Variants in PARN observed in about 807,000 individuals in gnomAD.
PARN encodes the protein poly(A)-specific ribonuclease PARN.
A neutral mutation model predicts 102.8 loss-of-function variants in PARN; 71 were observed. That is an observed-to-expected ratio of 0.69 (90% confidence interval 0.57 to 0.84). The LOEUF (loss-of-function observed/expected upper bound fraction) is 0.84, where lower values mean the gene tolerates loss of function less well. Ranked by LOEUF, PARN falls within the 40% of genes least tolerant of loss-of-function variation. The pLI, the probability that PARN is intolerant of heterozygous loss-of-function variation, is 0.00. For missense variants in PARN, 782 were observed against 760.9 expected (o/e 1.03, Z -0.33); for synonymous variants, 261 against 252.9 (o/e 1.03, Z -0.30).
chr16:14,613,345 G>A (rs1037216982), intron 6 of PARN, among the ~76,000 whole-genome samples: 2 of 150,514 alleles, frequency 1.3e-5, no homozygotes, highest in African/African-American at 2.4e-5. Context: ...ATGGGAGGCC[G>A]GGCGCCTGGC....
intron 21 of PARN, among the ~76,000 whole-genome samples, chr16:14,506,098 G>A (rs1964883827): frequency 6.6e-6 from 1 of 152,182 alleles, no homozygotes; most frequent in Non-Finnish European, 1.5e-5. Context: ...ACTGAAAAGA[G>A]CACATCAACT....
At chr16:14,539,726 G>A (rs1368808610) in intron 21 of PARN, among the ~76,000 whole-genome samples, 2 of 152,182 alleles carry the variant, frequency 1.3e-5, no homozygotes, top group Admixed American at 1.3e-4. Flanking sequence ...TCCTATAGCA[G>A]ACTGAGGTAT....
intron 22 of PARN, among the ~76,000 whole-genome samples, chr16:14,465,739 T>C (rs372092152): frequency 6.6e-6 from 1 of 151,848 alleles, no homozygotes; most frequent in Admixed American, 6.6e-5. Context: ...GAGAACAAAG[T>C]TGGAGGAAGG....
intron 19 of PARN, among the ~76,000 whole-genome samples, chr16:14,554,828 A>G (rs1023789025): frequency 6.6e-6 from 1 of 152,060 alleles, no homozygotes. Flanking sequence ...CCATTTTAAT[A>G]TACTTAGTTA....
chr16:14,606,091 T>C (rs1344133840), intron 10 of PARN, among the ~76,000 whole-genome samples: 1 of 152,036 alleles, frequency 6.6e-6, no homozygotes, highest in South Asian at 2.1e-4. Context: ...ACAGACAAGA[T>C]ACAAATTCTG....
chr16:14,576,150 C>A (rs1333403261), intron 18 of PARN: 1 of 152,218 alleles, frequency 6.6e-6, no homozygotes, highest in African/African-American at 2.4e-5. Context: ...GAAGGTGAAT[C>A]ATTTTATCCC....
chr16:14,595,977 T>C (rs1970480725), intron 12 of PARN, among the ~76,000 whole-genome samples: 1 of 151,878 alleles, frequency 6.6e-6, no homozygotes, highest in East Asian at 1.9e-4. Context: ...TACACATTTA[T>C]ATAGATCCAC....
At chr16:14,615,983 T>A (rs1971874195) in intron 6 of PARN, among the ~76,000 whole-genome samples, 1 of 152,156 alleles carries the variant, frequency 6.6e-6, no homozygotes, top group South Asian at 2.1e-4. Context: ...GGAGAATTCA[T>A]TTGAAGTCCA....
intron 3 of PARN, among the ~76,000 whole-genome samples, chr16:14,627,818 C>T (rs113719918): frequency 1.3e-5 from 2 of 151,670 alleles, no homozygotes; most frequent in African/African-American, 4.9e-5. Flanking sequence ...TGAGACCGAT[C>T]TCTACAAAAG....
chr16:14,456,964 T>C (rs1961709668), intron 22 of PARN, among the ~76,000 whole-genome samples: 1 of 152,222 alleles, frequency 6.6e-6, no homozygotes, highest in South Asian at 2.1e-4. Flanking sequence ...GTCACTAGAA[T>C]GTACGTTCCA....
At chr16:14,458,628 T>C (rs922432612) in intron 22 of PARN, among the ~76,000 whole-genome samples, 39 of 152,112 alleles carry the variant, frequency 2.6e-4, no homozygotes, top group African/African-American at 9.4e-4. Flanking sequence ...GAAATCTGAG[T>C]GCTCTACAAA....
intron 18 of PARN, among the ~76,000 whole-genome samples, chr16:14,575,568 T>C (rs569906962): frequency 2.5e-4 from 38 of 152,324 alleles, no homozygotes; most frequent in African/African-American, 9.1e-4. Context: ...GCTGTATTTA[T>C]CCATAGCCTG....
At chr16:14,473,031 T>C (rs898745201) in intron 22 of PARN, among the ~76,000 whole-genome samples, 2 of 152,094 alleles carry the variant, frequency 1.3e-5, no homozygotes, top group Non-Finnish European at 2.9e-5. Context: ...CTAATCAAAG[T>C]GAGAAGAGGG....
intron 22 of PARN, among the ~76,000 whole-genome samples, chr16:14,469,258 G>A (rs1962570969): frequency 6.6e-6 from 1 of 152,114 alleles, no homozygotes; most frequent in South Asian, 2.1e-4. Context: ...GATCGCACCA[G>A]GAGGCAGAGG....
At chr16:14,625,257 G>T (rs1972573086) in intron 5 of PARN, among the ~76,000 whole-genome samples, 1 of 152,076 alleles carries the variant, frequency 6.6e-6, no homozygotes, top group Non-Finnish European at 1.5e-5. Flanking sequence ...CAGCACTTTG[G>T]GAGGCCAAGC....
At chr16:14,574,299 G>A (rs929961082) in intron 18 of PARN, among the ~76,000 whole-genome samples, 3 of 152,198 alleles carry the variant, frequency 2.0e-5, no homozygotes, top group African/African-American at 4.8e-5. Context: ...GTATCTGGCA[G>A]AAGAAATTTC....
chr16:14,621,425 T>A (rs1223944385), intron 5 of PARN, among the ~76,000 whole-genome samples: 1 of 152,206 alleles, frequency 6.6e-6, no homozygotes, highest in Non-Finnish European at 1.5e-5. Flanking sequence ...TGTACAATAG[T>A]GTCAATGTAC....
chr16:14,597,295 T>C lies in PARN; in HGVS notation c.840+2609A>G, dbSNP rs73525409. Among the ~76,000 whole-genome samples, 1,219 of 152,318 alleles carry C rather than the reference T, an allele frequency of 8.0e-3. 10 individuals carry two copies. Among genetic ancestry groups the C allele is most frequent in the African/African-American group, 0.028 (1,167 of 41,572 alleles). On this transcript the variant is annotated intron_variant, in intron 12 of 23. Transcript: ENST00000437198. ...ATATTCATAAACTATAAAGTTAAAC[T>C]ATATAGTTAATTTAACTATAATTTA...
At chr16:14,470,332 CTA>C (rs1165924763) in intron 22 of PARN, among the ~76,000 whole-genome samples, 6 of 151,914 alleles carry the variant, frequency 3.9e-5, no homozygotes, top group African/African-American at 1.4e-4. Flanking sequence ...AGAAACCTTT[CTA>C]TGTTTTCAAA....
Sources: gnomAD v4.1 joint callset for allele counts (sites outside exome capture counted in the v4.1 genomes callset) on GRCh38, gnomAD v4.1.1 for gene constraint, MANE v1.5 for transcripts, NCBI Gene and HGNC (gene_info 2026-07-23, HGNC 2026-07-21) for gene names.